Variants in DENND4C observed in about 807,000 individuals in gnomAD.
The protein encoded by DENND4C is DENN domain-containing protein 4C.
A neutral mutation model predicts 203.0 loss-of-function variants in DENND4C; 108 were observed. The ratio of observed to expected loss-of-function variants is 0.53; its 90% CI spans 0.46 to 0.62. The LOEUF is 0.62. Ranked by LOEUF, DENND4C falls within the 20% of genes least tolerant of loss-of-function variation. The pLI is 0.00. For synonymous variants in DENND4C, 871 were observed against 792.4 expected, an observed-to-expected ratio of 1.10 and a Z score of -1.67; for missense variants, 2,481 against 2,301.2, an observed-to-expected ratio of 1.08 and a Z score of -1.60.
At chr9:19,366,476 T>C (rs201733396) in intron 30 of DENND4C, among the ~76,000 whole-genome samples, 1 of 152,004 alleles carries the variant, frequency 6.6e-6, no homozygotes, top group Non-Finnish European at 1.5e-5. Flanking sequence ...TGGTGGCGGG[T>C]ACCTGTAGTC....
At chr9:19,334,397 T>G (rs1819957172) in intron 17 of DENND4C, among the ~76,000 whole-genome samples, 1 of 152,082 alleles carries the variant, frequency 6.6e-6, no homozygotes, top group Admixed American at 6.6e-5. Flanking sequence ...TTATGAGGAG[T>G]AATAGTCTTT....
chr9:19,304,280 G>A (rs957866826), intron 9 of DENND4C, among the ~76,000 whole-genome samples: 5 of 151,250 alleles, frequency 3.3e-5, no homozygotes, highest in Admixed American at 2.0e-4. Context: ...TGCCTCCCGG[G>A]TTCAAGCGAT....
intron 10 of DENND4C, among the ~76,000 whole-genome samples, chr9:19,306,863 C>G (rs186720160): frequency 6.6e-6 from 1 of 151,954 alleles, no homozygotes; most frequent in East Asian, 1.9e-4. Context: ...TCTCTGCAGT[C>G]TCCGCCTCCT....
At chr9:19,283,192 T>C (rs1230676509) in intron 2 of DENND4C, among the ~76,000 whole-genome samples, 18 of 151,988 alleles carry the variant, frequency 1.2e-4, no homozygotes, top group Admixed American at 1.2e-3. Context: ...TAAACTATTT[T>C]GTTAAAATTT....
chr9:19,324,505 A>G lies in DENND4C; in HGVS notation c.1951A>G (p.Lys651Glu). 6.2e-7 allele frequency: 1 copy of G among 1,601,882 alleles called. No homozygotes were observed. Among genetic ancestry groups the G allele is most frequent in the Non-Finnish European group, 8.5e-7 (1 of 1,177,436 alleles). ...AGCATTTTTTGATGACTGCATAGAAAAGGTAAAAGTTTGTACTTATACTAG... is the reference window on the plus strand; with the variant it reads ...AGCATTTTTTGATGACTGCATAGAAGAGGTAAAAGTTTGTACTTATACTAG... ...GLAFFDDCIE[K>E]LFPDKGTEKT... The change falls in exon 13 of 33, where the codon AAG becomes GAG. Residue 651 changes from lysine (K) to glutamate (E), a missense_variant and splice_region_variant. Physicochemically the swap from Lys to Glu is moderately conservative, Grantham distance 56. This residue lies in a region of DENND4C where 2,289 missense variants were observed against 2,113.3 expected (regional missense o/e 1.08). Transcript: ENST00000434457.
chr9:19,287,098 G>A (rs1271419135), intron 3 of DENND4C, 77 bp downstream of exon 3: 1 of 1,151,834 alleles, frequency 8.7e-7, no homozygotes, highest in African/African-American at 1.6e-5. Flanking sequence ...GTTTACTGTT[G>A]GGTATATACT....
At chr9:19,351,176 G>T (rs141351591) in intron 24 of DENND4C, among the ~76,000 whole-genome samples, 1 of 152,114 alleles carries the variant, frequency 6.6e-6, no homozygotes, top group African/African-American at 2.4e-5. Flanking sequence ...TTCTGATCTT[G>T]TATGATTTAT....
chr9:19,319,391 T>TACATATATATATACACACATATATATAC (rs1563799228), intron 12 of DENND4C, among the ~76,000 whole-genome samples: 33 of 130,418 alleles, frequency 2.5e-4, no homozygotes, highest in African/African-American at 1.2e-3. Flanking sequence ...CATATATATA[T>TACATATATATATACACACATATATATAC]ACATATATAT....
At chr9:19,262,073 GTTC>G (rs1829494849) in intron 1 of DENND4C, among the ~76,000 whole-genome samples, 14 of 73,934 alleles carry the variant, frequency 1.9e-4, no homozygotes, top group East Asian at 9.8e-4. Flanking sequence ...GAATTTATTA[GTTC>G]TTTTTTTTTT....
chr9:19,274,289 A>T (rs997716208), intron 1 of DENND4C, among the ~76,000 whole-genome samples: 1 of 151,660 alleles, frequency 6.6e-6, no homozygotes, highest in African/African-American at 2.4e-5. Context: ...ATGTTGATGG[A>T]TATGTTTCTT....
intron 12 of DENND4C, among the ~76,000 whole-genome samples, chr9:19,323,707 T>C (rs755172557): frequency 6.6e-6 from 1 of 152,144 alleles, no homozygotes; most frequent in African/African-American, 2.4e-5. Flanking sequence ...AGGAAGGACA[T>C]TGACTCTTTG....
rs183803580 is a variant in DENND4C, at chr9:19,285,816, A to G, written c.306-953A>G. ...TCCAACACTACATATTGAAAAGACT[A>G]TTCCTTCCTGATTGCATTGTCTTGG... On this transcript the variant is annotated intron_variant, in intron 2 of 32. Coordinates refer to ENST00000434457, the MANE Select transcript of DENND4C (RefSeq NM_001330640.2). Among the ~76,000 whole-genome samples, 442 of 152,296 alleles carry G rather than the reference A, an allele frequency of 2.9e-3. 2 individuals are homozygous for G. Among genetic ancestry groups the G allele is most frequent in the Non-Finnish European group, 4.6e-3 (310 of 67,998 alleles).
intron 13 of DENND4C, among the ~76,000 whole-genome samples, chr9:19,324,965 G>T (rs978384210): frequency 1.3e-5 from 2 of 152,016 alleles, no homozygotes; most frequent in African/African-American, 2.4e-5. Context: ...TGATCCTCCC[G>T]CCTTGGCCTC....
intron 10 of DENND4C, among the ~76,000 whole-genome samples, chr9:19,315,465 G>A (rs546102253): frequency 5.3e-5 from 8 of 150,344 alleles, no homozygotes; most frequent in Non-Finnish European, 1.0e-4. Flanking sequence ...GTTGTCTGCT[G>A]TATTTTATAT....
At chr9:19,368,948 A>C (rs1160795409) in intron 30 of DENND4C, among the ~76,000 whole-genome samples, 2 of 151,864 alleles carry the variant, frequency 1.3e-5, no homozygotes, top group Non-Finnish European at 2.9e-5. Context: ...GGCTGAGTTC[A>C]AGACTAGTCT....
intron 20 of DENND4C, among the ~76,000 whole-genome samples, chr9:19,337,987 AGGT>A (rs1820854780): frequency 6.6e-6 from 1 of 152,172 alleles, no homozygotes; most frequent in Non-Finnish European, 1.5e-5. Context: ...TCAGCTGTTA[AGGT>A]GGTGTGGCCA....
chr9:19,314,048 C>G (rs1467083438), intron 10 of DENND4C, among the ~76,000 whole-genome samples: 2 of 151,868 alleles, frequency 1.3e-5, no homozygotes, highest in African/African-American at 2.4e-5. Context: ...TGCCACTCCA[C>G]TGCAGCCTGG....
chr9:19,312,229 G>A (rs949879597), intron 10 of DENND4C, among the ~76,000 whole-genome samples: 3 of 151,994 alleles, frequency 2.0e-5, no homozygotes, highest in Non-Finnish European at 4.4e-5. Context: ...TCAGCCTCCC[G>A]AGTAGCTGGG....
intron 12 of DENND4C, among the ~76,000 whole-genome samples, chr9:19,319,972 C>A (rs892749254): frequency 2.6e-5 from 4 of 152,090 alleles, no homozygotes; most frequent in Non-Finnish European, 5.9e-5. Context: ...CTTAATTTAT[C>A]CTTATGTTGT....
Sources: gnomAD v4.1 joint callset for allele counts (sites outside exome capture counted in the v4.1 genomes callset) on GRCh38, gnomAD v4.1.1 for gene constraint, gnomAD v4.1.1 regional missense constraint, MANE v1.5 for transcripts, NCBI Gene and HGNC (gene_info 2026-07-23, HGNC 2026-07-21) for gene names.